Variants in PDZD9 observed in about 807,000 individuals in gnomAD.
PDZD9 encodes PDZ domain containing 9, also known as PDZ domain-containing protein 9.
A neutral mutation model predicts 16.3 loss-of-function variants in PDZD9; 13 were observed. That is an observed-to-expected ratio of 0.80 (90% confidence interval 0.52 to 1.27). The LOEUF is 1.27. PDZD9 is among the 50% of genes most tolerant of loss of function. The probability of loss-of-function intolerance (pLI) is 0.00; values close to 1 mark genes in which losing one functional copy is unlikely to be tolerated. For synonymous variants in PDZD9, 120 were observed against 111.0 expected, an observed-to-expected ratio of 1.08 and a Z score of -0.51; for missense variants, 288 against 310.9, an observed-to-expected ratio of 0.93 and a Z score of 0.55.
At chr16:21,969,359 C>G in the PDZD9 span, among the ~76,000 whole-genome samples, 1 of 152,130 alleles carries the variant, frequency 6.6e-6, no homozygotes, top group African/African-American at 2.4e-5. Flanking sequence ...CATGGCGAAA[C>G]CCCGTCTCTA....
downstream of PDZD9, chr16:21,980,142 T>C (rs1219731777): frequency 7.0e-5 from 13 of 185,324 alleles, no homozygotes; most frequent in Non-Finnish European, 1.2e-5. Flanking sequence ...GAGATCTTCC[T>C]CACTGTGCCA....
chr16:21,962,421 T>C, the PDZD9 span: 1 of 1,611,456 alleles, frequency 6.2e-7, no homozygotes, highest in Non-Finnish European at 8.5e-7. Context: ...CTTACTATCC[T>C]GATTCAGATG....
chr16:21,971,833 G>A, the PDZD9 span: 1 of 1,569,572 alleles, frequency 6.4e-7, no homozygotes, highest in Non-Finnish European at 8.7e-7. Context: ...AGACTCGTGG[G>A]TTAATACTGT....
At chr16:21,989,840 T>C (rs1051103879) in intron 2 of PDZD9, among the ~76,000 whole-genome samples, 19 of 152,012 alleles carry the variant, frequency 1.2e-4, no homozygotes, top group African/African-American at 4.1e-4. Flanking sequence ...AACCCCCAAA[T>C]TGAAGGAAGC....
chr16:21,993,438 G>A (rs1324502848), intron 2 of PDZD9, among the ~76,000 whole-genome samples: 4 of 152,186 alleles, frequency 2.6e-5, no homozygotes, highest in African/African-American at 7.2e-5. Flanking sequence ...ACCGGCCGCC[G>A]TTTATTCTCC....
rs1309294896 is a variant in PDZD9, at chr16:21,984,605, TATC to T, written c.454_456del (p.Asp152del). On this transcript the variant is annotated inframe_deletion, in exon 4 of 4. Coordinates refer to ENST00000424898, the MANE Select transcript of PDZD9 (RefSeq NM_001363519.1). Reference sequence around the variant, plus strand: ...CTTTTATCTAAATCTACATTTTCATTATCATCACTGCTTGTGAAAGATTCATCT... The same window carrying T: ...CTTTTATCTAAATCTACATTTTCATTATCACTGCTTGTGAAAGATTCATCT... 1 of 1,545,662 alleles carries T rather than the reference TATC, an allele frequency of 6.5e-7. No homozygotes were observed.
chr16:21,963,963 A>G, the PDZD9 span, among the ~76,000 whole-genome samples: 1 of 152,110 alleles, frequency 6.6e-6, no homozygotes, highest in Non-Finnish European at 1.5e-5. Flanking sequence ...TATAATGTCT[A>G]ATTATATAAT....
chr16:21,983,311 C>A, downstream of PDZD9: 1 of 671,472 alleles, frequency 1.5e-6, no homozygotes, highest in Non-Finnish European at 2.5e-6. Context: ...GGTAATTATT[C>A]CCAGCTGACC....
the PDZD9 span, among the ~76,000 whole-genome samples, chr16:21,969,434 G>A: frequency 6.6e-6 from 1 of 152,182 alleles, no homozygotes; most frequent in Non-Finnish European, 1.5e-5. Context: ...TCGGGGGGCT[G>A]AGGAGGAGAA....
At chr16:21,981,549 T>C (rs936546755), downstream of PDZD9, among the ~76,000 whole-genome samples, 18 of 150,576 alleles carry the variant, frequency 1.2e-4, no homozygotes, top group African/African-American at 3.4e-4. Flanking sequence ...AGCCCAGGAG[T>C]TCAATACCAG....
At chr16:21,973,614 C>G in the PDZD9 span, among the ~76,000 whole-genome samples, 1 of 152,132 alleles carries the variant, frequency 6.6e-6, no homozygotes, top group African/African-American at 2.4e-5. Flanking sequence ...TTAGTGTTTG[C>G]ATAAACCTTT....
At chr16:21,985,949 A>C (rs59651871) in intron 3 of PDZD9, among the ~76,000 whole-genome samples, 2 of 152,050 alleles carry the variant, frequency 1.3e-5, no homozygotes, top group Non-Finnish European at 2.9e-5. Flanking sequence ...TTTTTTTTTT[A>C]AATCCAAGTA....
the PDZD9 span, chr16:21,971,912 T>C: frequency 6.2e-7 from 1 of 1,613,500 alleles, no homozygotes; most frequent in Non-Finnish European, 8.5e-7. Flanking sequence ...CTATCCTTAA[T>C]CTGGCCCCAG....
the PDZD9 span, among the ~76,000 whole-genome samples, chr16:21,975,578 C>G: frequency 6.6e-6 from 1 of 152,096 alleles, no homozygotes; most frequent in Non-Finnish European, 1.5e-5. Flanking sequence ...ACCCACATCC[C>G]CGGAACTTTA....
At chr16:21,960,099 G>C in the PDZD9 span, among the ~76,000 whole-genome samples, 1 of 152,168 alleles carries the variant, frequency 6.6e-6, no homozygotes, top group African/African-American at 2.4e-5. Context: ...CTTGTCGTTT[G>C]AAGCTTTGAC....
chr16:21,962,870 C>T, the PDZD9 span: 1 of 1,613,958 alleles, frequency 6.2e-7, no homozygotes, highest in East Asian at 2.2e-5. Flanking sequence ...TGTGGCCTTT[C>T]AGAATCCGCA....
chr16:21,999,318 A>C (rs1287494510), intron 1 of PDZD9: 1 of 221,508 alleles, frequency 4.5e-6, no homozygotes, highest in African/African-American at 2.3e-5. Context: ...TGAGATCTTC[A>C]ATGCTTCCTC....
At chr16:21,998,931 C>G in intron 1 of PDZD9, 1 of 228,330 alleles carries the variant, frequency 4.4e-6, no homozygotes, top group South Asian at 8.2e-5. Flanking sequence ...GGAGAGAAGA[C>G]TTCTCACACT....
At chr16:21,972,975 C>T in the PDZD9 span, among the ~76,000 whole-genome samples, 4 of 152,196 alleles carry the variant, frequency 2.6e-5, no homozygotes, top group Non-Finnish European at 5.9e-5. Context: ...TGGCGCACGC[C>T]TGTAGTCCCA....
Sources: allele counts gnomAD v4.1 joint callset (sites outside exome capture counted in the v4.1 genomes callset), GRCh38; gene constraint gnomAD v4.1.1; transcripts MANE v1.5; gene names NCBI Gene and HGNC (gene_info 2026-07-23, HGNC 2026-07-21).